Variants in ADGRL2 observed in about 807,000 individuals in gnomAD.
ADGRL2 encodes the protein adhesion G protein-coupled receptor L2, also known as calcium-independent alpha-latrotoxin receptor 2.
In ADGRL2, 44 loss-of-function variants were observed where a neutral mutation model predicts 157.4. The ratio of observed to expected loss-of-function variants is 0.28; its 90% confidence interval spans 0.22 to 0.36. The LOEUF is 0.36. Ranked by LOEUF, ADGRL2 falls within the 10% of genes least tolerant of loss-of-function variation. The pLI is 1.00. For missense variants in ADGRL2, 1,510 were observed against 1,768.9 expected (o/e 0.85, Z 2.63); for synonymous variants, 585 against 624.7 (o/e 0.94, Z 0.95).
At chr1:81,616,476 G>A (rs1260523688) in intron 3 of ADGRL2, among the ~76,000 whole-genome samples, 1 of 152,146 alleles carries the variant, frequency 6.6e-6, no homozygotes, top group Non-Finnish European at 1.5e-5. Context: ...ATTCAACTCA[G>A]TGAGTGTAGA....
intron 3 of ADGRL2, among the ~76,000 whole-genome samples, chr1:81,928,572 G>C (rs2095161325): frequency 6.6e-6 from 1 of 151,984 alleles, no homozygotes; most frequent in South Asian, 2.1e-4. Context: ...TTTAAAACTT[G>C]TGTACCTGAA....
intron 2 of ADGRL2, among the ~76,000 whole-genome samples, chr1:81,471,688 A>G (rs1487680427): frequency 6.6e-6 from 1 of 152,230 alleles, no homozygotes; most frequent in East Asian, 1.9e-4. Context: ...AGAAAAATGT[A>G]TATAGGCCGA....
In ADGRL2 at chr1:81,951,100, G is replaced by A; in HGVS notation, c.1587G>A (p.Trp529Ter). The A allele has an allele frequency of 6.2e-7, 1 of 1,612,714 alleles. No homozygotes were observed. Among genetic ancestry groups the A allele is most frequent in the Non-Finnish European group, 8.5e-7 (1 of 1,178,930 alleles). The part of the protein sequence containing the change: ...GPDLSNCTSH[W>*]VNQLAQKIRS... The stretch of plus-strand genomic sequence containing the variant: ...ATCTTAGCAACTGTACCTCACACTG[G>A]GTGAATCAGCTGGCTCAGAAGGTTG... Residue 529 changes from tryptophan (W) to a stop codon, truncating the protein, a stop_gained, in exon 8 of 24, where the codon TGG (tryptophan) becomes TGA (stop). Coordinates refer to ENST00000686636, the MANE Select transcript of ADGRL2 (RefSeq NM_001366006.2). LOFTEE classifies it high-confidence loss of function.
intron 1 of ADGRL2, among the ~76,000 whole-genome samples, chr1:81,330,645 A>G (rs1189318450): frequency 3.9e-5 from 6 of 152,152 alleles, no homozygotes; most frequent in African/African-American, 9.7e-5. Context: ...CCATGGCATT[A>G]TCATCTAGGT....
At chr1:81,355,964 A>AT (rs1330406573) in intron 1 of ADGRL2, among the ~76,000 whole-genome samples, 23 of 152,106 alleles carry the variant, frequency 1.5e-4, no homozygotes, top group Non-Finnish European at 5.9e-5. Flanking sequence ...ATTGTTACAT[A>AT]TTTTTTTCCT....
chr1:81,847,791 A>G (rs776018699), intron 2 of ADGRL2, among the ~76,000 whole-genome samples: 3 of 151,914 alleles, frequency 2.0e-5, no homozygotes, highest in Non-Finnish European at 4.4e-5. Flanking sequence ...CAAATGTTTT[A>G]TTATTTAAAG....
At chr1:81,812,406 T>G (rs2089969267) in intron 1 of ADGRL2, among the ~76,000 whole-genome samples, 1 of 151,766 alleles carries the variant, frequency 6.6e-6, no homozygotes, top group Non-Finnish European at 1.5e-5. Context: ...ATCATTTCCT[T>G]TATTCATAGA....
rs141197666 is a variant in ADGRL2, at chr1:81,537,314, G to A, written c.-247-43562G>A. Among the ~76,000 whole-genome samples the A allele has an allele frequency of 7.7e-3, 1,176 of 151,912 alleles. 15 individuals carry two copies. The highest frequency in any genetic ancestry group is 0.027 in the African/African-American group (1,129 of 41,426). ...TGTTTTGTTTTTGAGATGGAATTTC[G>A]CTCTTGTTGCCCAGGCTGGAGTGCA... On this transcript the variant is annotated intron_variant, in intron 2 of 24. Transcript: ENST00000370721.
At chr1:81,328,701 G>T (rs577656906) in intron 1 of ADGRL2, among the ~76,000 whole-genome samples, 2 of 151,988 alleles carry the variant, frequency 1.3e-5, no homozygotes, top group Non-Finnish European at 2.9e-5. Flanking sequence ...AACATAGTTA[G>T]CTATGTTAAA....
intron 1 of ADGRL2, among the ~76,000 whole-genome samples, chr1:81,398,905 T>C (rs1003391010): frequency 1.3e-5 from 2 of 152,220 alleles, no homozygotes; most frequent in Non-Finnish European, 2.9e-5. Context: ...TGAATCTATT[T>C]GAGGAACTTT....
chr1:81,545,288 C>CT (rs57690437), intron 2 of ADGRL2, among the ~76,000 whole-genome samples: 3,886 of 141,866 alleles, frequency 0.027, 62 homozygotes, highest in Middle Eastern at 0.074. Context: ...ACTGACTGAA[C>CT]TTTTTTTTTT....
At chr1:81,678,345 T>C (rs2083038679) in intron 3 of ADGRL2, among the ~76,000 whole-genome samples, 1 of 152,206 alleles carries the variant, frequency 6.6e-6, no homozygotes, top group African/African-American at 2.4e-5. Context: ...GAAAGTGGCC[T>C]TTTATTTTTA....
chr1:81,416,226 C>A (rs2077031180), intron 1 of ADGRL2, among the ~76,000 whole-genome samples: 1 of 151,356 alleles, frequency 6.6e-6, no homozygotes, highest in Admixed American at 6.6e-5. Context: ...CAGTTACATT[C>A]TTGATCTTTA....
intron 2 of ADGRL2, among the ~76,000 whole-genome samples, chr1:81,530,585 G>A (rs2079572854): frequency 6.6e-6 from 1 of 151,996 alleles, no homozygotes; most frequent in South Asian, 2.1e-4. Flanking sequence ...CTGAGTTCAA[G>A]TGGTCCGACT....
rs115235762 is a variant in ADGRL2, at chr1:81,404,747, T to A, written c.-301-40289T>A. Among the ~76,000 whole-genome samples the A allele has an allele frequency of 6.5e-3, 994 of 152,310 alleles. 7 individuals carry two copies. Among genetic ancestry groups the A allele is most frequent in the Middle Eastern group, 0.031 (9 of 294 alleles). On this transcript the variant is annotated intron_variant, in intron 1 of 24. Transcript: ENST00000370721. Reference sequence around the variant, plus strand: ...ACATTTCTCCAGGTGGAGATTTAGATCTCTTCTTCCTTTTCCTTCATTTCT... The same window carrying A: ...ACATTTCTCCAGGTGGAGATTTAGAACTCTTCTTCCTTTTCCTTCATTTCT...
intron 1 of ADGRL2, among the ~76,000 whole-genome samples, chr1:81,392,012 GAGAACGTAA>G (rs1281832118): frequency 1.3e-5 from 2 of 152,078 alleles, no homozygotes; most frequent in Admixed American, 6.6e-5. Flanking sequence ...TGAAGCATGG[GAGAACGTAA>G]GTCACAAAAT....
chr1:81,505,863 T>A (rs1489079281), intron 2 of ADGRL2: 1 of 346,712 alleles, frequency 2.9e-6, no homozygotes, highest in African/African-American at 2.1e-5. Flanking sequence ...TTCTTTAAAA[T>A]GGGATCAATG....
At chr1:81,952,171 T>A (rs772963296) in intron 9 of ADGRL2, 29 bp downstream of exon 9, 8 of 1,548,514 alleles carry the variant, frequency 5.2e-6, no homozygotes, top group Non-Finnish European at 7.0e-6. Flanking sequence ...TTATTTTGAA[T>A]TAGACACTTG....
At chr1:81,883,981 C>A (rs969465845) in intron 2 of ADGRL2, among the ~76,000 whole-genome samples, 11 of 127,122 alleles carry the variant, frequency 8.7e-5, no homozygotes, top group Non-Finnish European at 1.4e-4. Flanking sequence ...TCTTTGTTTT[C>A]ATATGAAATT....
Sources: gnomAD v4.1 joint callset for allele counts (sites outside exome capture counted in the v4.1 genomes callset) on GRCh38, gnomAD v4.1.1 for gene constraint, MANE v1.5 for transcripts, NCBI Gene and HGNC (gene_info 2026-07-23, HGNC 2026-07-21) for gene names.